TMEM123: variants seen among roughly 807,000 people sequenced by gnomAD.
TMEM123 encodes porimin.
TMEM123 carries 16 observed loss-of-function variants against 19.7 expected under a neutral mutation model. That is an observed-to-expected ratio of 0.81 (90% confidence interval 0.55 to 1.23). The LOEUF (loss-of-function observed/expected upper bound fraction) is 1.23. Ranked by LOEUF, TMEM123 falls within the 50% of genes most tolerant of loss-of-function variation. The pLI is 0.00. For missense variants in TMEM123, 313 were observed against 257.8 expected, an observed-to-expected ratio of 1.21 and a Z score of -1.47; for synonymous variants, 118 against 99.4, an observed-to-expected ratio of 1.19 and a Z score of -1.12.
intron 2 of TMEM123, among the ~76,000 whole-genome samples, chr11:102,435,073 C>G (rs956876429): frequency 3.3e-5 from 5 of 151,894 alleles, no homozygotes; most frequent in African/African-American, 1.2e-4. Context: ...GGCACAGTGG[C>G]TCACACCTGT....
chr11:102,406,477 G>A (rs1951956064), intron 2 of TMEM123, among the ~76,000 whole-genome samples: 1 of 152,150 alleles, frequency 6.6e-6, no homozygotes, highest in Non-Finnish European at 1.5e-5. Flanking sequence ...TTAAAAGGCT[G>A]CACTGGGAGT....
intron 2 of TMEM123, among the ~76,000 whole-genome samples, chr11:102,415,697 G>C (rs1422643055): frequency 1.3e-5 from 2 of 152,154 alleles, no homozygotes; most frequent in African/African-American, 2.4e-5. Context: ...AAAGTTTACA[G>C]CTCTAAATGC....
chr11:102,441,448 G>A (rs1023127017), intron 2 of TMEM123, among the ~76,000 whole-genome samples: 1 of 152,100 alleles, frequency 6.6e-6, no homozygotes, highest in African/African-American at 2.4e-5. Context: ...TGACTACTGG[G>A]TACATAACAA....
intron 2 of TMEM123, among the ~76,000 whole-genome samples, chr11:102,441,462 G>A (rs1857825353): frequency 6.6e-6 from 1 of 152,144 alleles, no homozygotes; most frequent in Non-Finnish European, 1.5e-5. Context: ...ATAACAAAAT[G>A]AAGGCAGAAA....
intron 2 of TMEM123, among the ~76,000 whole-genome samples, chr11:102,445,369 A>G (rs1013777465): frequency 2.0e-5 from 3 of 152,200 alleles, no homozygotes; most frequent in Non-Finnish European, 4.4e-5. Context: ...GTATCTATCA[A>G]CATTTGCATC....
chr11:102,447,167 T>C (rs2135866916), intron 2 of TMEM123, among the ~76,000 whole-genome samples: 2 of 152,340 alleles, frequency 1.3e-5, no homozygotes, highest in Admixed American at 1.3e-4. Context: ...TTTTCTTCTT[T>C]CTCAAAAAAT....
intron 2 of TMEM123, among the ~76,000 whole-genome samples, chr11:102,443,162 C>T (rs1857845137): frequency 6.6e-6 from 1 of 152,192 alleles, no homozygotes; most frequent in South Asian, 2.1e-4. Flanking sequence ...CATCAAGCTA[C>T]CAATGACTTT....
chr11:102,426,861 C>CCA (rs1252801893), intron 2 of TMEM123, among the ~76,000 whole-genome samples: 1 of 42,868 alleles, frequency 2.3e-5, no homozygotes, highest in Non-Finnish European at 4.7e-5. Flanking sequence ...AAAGTAGTTC[C>CCA]CCCCCCCCCC....
At chr11:102,438,201 C>T (rs560293403) in intron 2 of TMEM123, among the ~76,000 whole-genome samples, 4 of 152,170 alleles carry the variant, frequency 2.6e-5, no homozygotes, top group South Asian at 2.1e-4. Flanking sequence ...CACATGCACA[C>T]ATCACCACAC....
chr11:102,433,632 G>A (rs772366421), intron 2 of TMEM123, among the ~76,000 whole-genome samples: 15 of 151,774 alleles, frequency 9.9e-5, no homozygotes, highest in Non-Finnish European at 1.5e-5. Context: ...TCAAGTCTGA[G>A]GGCATGAGAT....
intron 2 of TMEM123, among the ~76,000 whole-genome samples, chr11:102,425,565 T>C (rs1952119265): frequency 1.3e-5 from 2 of 151,474 alleles, no homozygotes; most frequent in Non-Finnish European, 1.5e-5. Flanking sequence ...CAGGATTGTT[T>C]TTTTTTTTTT....
intron 2 of TMEM123, among the ~76,000 whole-genome samples, chr11:102,431,596 CCATGTTGTCT>C: frequency 6.6e-6 from 1 of 152,344 alleles, no homozygotes; most frequent in Admixed American, 6.5e-5. Flanking sequence ...GCAGTTCCAT[CCATGTTGTCT>C]CAAATGACAG....
chr11:102,415,223 C>T (rs1952034768), intron 2 of TMEM123, among the ~76,000 whole-genome samples: 1 of 152,168 alleles, frequency 6.6e-6, no homozygotes, highest in Non-Finnish European at 1.5e-5. Flanking sequence ...CTTAAGATAA[C>T]CACACAATAG....
chr11:102,434,156 A>G (rs1054372182), intron 2 of TMEM123, among the ~76,000 whole-genome samples: 11 of 151,816 alleles, frequency 7.2e-5, no homozygotes, highest in African/African-American at 2.2e-4. Flanking sequence ...TAATTTTTTG[A>G]GGAACTTCCA....
Position 102,398,752 on chromosome 11 carries a change from C to T in TMEM123, c.*115G>A, listed in dbSNP as rs548559054. On this transcript the variant is annotated 3_prime_UTR_variant, in exon 5 of 5. Transcript: ENST00000398136. Reference sequence around the variant, plus strand: ...TACGTAATACACTGTACATTATATGCATGGCCTGTTTATACTATTTTCAAA... The same window carrying T: ...TACGTAATACACTGTACATTATATGTATGGCCTGTTTATACTATTTTCAAA... 32 of 1,013,660 alleles carry T rather than the reference C, an allele frequency of 3.2e-5. No homozygotes were observed. The South Asian group carries it at 4.3e-4, about 14-fold the overall frequency. 62.8% of individuals were successfully genotyped at this position (1,013,660 alleles called of 1,614,324 possible). A position where few individuals can be genotyped will look rare whatever the true frequency, so the allele number is the denominator to read the frequency against.
intron 2 of TMEM123, among the ~76,000 whole-genome samples, chr11:102,427,100 A>G (rs1361627327): frequency 6.6e-6 from 1 of 150,722 alleles, no homozygotes; most frequent in Non-Finnish European, 1.5e-5. Context: ...CTTTTTCACA[A>G]TCTAGTCTGT....
Position 102,452,690 on chromosome 11 carries a change from C to T in TMEM123, c.-67G>A, listed in dbSNP as rs1857958138. 5 of 1,264,154 alleles carry T rather than the reference C, an allele frequency of 4.0e-6. No individual in the cohort carries two copies. Among genetic ancestry groups the T allele is most frequent in the Non-Finnish European group, 2.1e-6 (2 of 971,290 alleles). The allele number at this position is 1,264,154 out of a possible 1,614,324, so 78.3% of individuals were successfully genotyped here. The stretch of plus-strand genomic sequence containing the variant: ...CGAGGTGGCGGCGGCGAGAGCGGCT[C>T]CTCTGCGCAGCCGGCGCCGGCTCCG... On this transcript the variant is annotated 5_prime_UTR_variant, in exon 1 of 5. Coordinates refer to ENST00000398136, the MANE Select transcript of TMEM123 (RefSeq NM_052932.3).
intron 2 of TMEM123, among the ~76,000 whole-genome samples, chr11:102,447,833 CAAAG>C (rs1857899957): frequency 1.3e-5 from 2 of 152,058 alleles, no homozygotes; most frequent in Admixed American, 1.3e-4. Flanking sequence ...GATAATGAAA[CAAAG>C]AACAGCAGTA....
In TMEM123 at chr11:102,398,541, C is replaced by T. The variant is rs897028248; in HGVS notation, c.*326G>A. The T allele has an allele frequency of 6.9e-6, 3 of 436,452 alleles. No homozygotes were observed. The highest frequency in any genetic ancestry group is 6.2e-5 in the African/African-American group (3 of 48,738). 27.0% of individuals were successfully genotyped at this position (436,452 alleles called of 1,614,324 possible). On this transcript the variant is annotated 3_prime_UTR_variant, in exon 5 of 5. Transcript: ENST00000398136. ...TATGCCCAGATGGCATTCTGTCTTT[C>T]AGTGATGACGTCTTTCAATTACTGG...
Sources: allele counts gnomAD v4.1 joint callset (sites outside exome capture counted in the v4.1 genomes callset), GRCh38; gene constraint gnomAD v4.1.1; transcripts MANE v1.5; gene names NCBI Gene and HGNC (gene_info 2026-07-23, HGNC 2026-07-21).